KALRN: variants seen among roughly 807,000 people sequenced by gnomAD.
The protein encoded by KALRN is kalirin RhoGEF kinase, also known as kalirin.
In KALRN, 70 loss-of-function variants were observed where a neutral mutation model predicts 353.7. That is an observed-to-expected ratio of 0.20 (90% CI 0.16 to 0.24). The LOEUF is 0.24. KALRN is among the 10% of genes least tolerant of loss of function. The pLI is 1.00. For missense variants in KALRN, 2,791 were observed against 3,756.7 expected, an observed-to-expected ratio of 0.74 and a Z score of 6.72; for synonymous variants, 1,391 against 1,434.8, an observed-to-expected ratio of 0.97 and a Z score of 0.69.
intron 2 of KALRN, among the ~76,000 whole-genome samples, chr3:124,228,399 A>G (rs1415520028): frequency 6.6e-6 from 1 of 152,206 alleles, no homozygotes; most frequent in Non-Finnish European, 1.5e-5. Context: ...TCATTTCTGC[A>G]TGGATCAGGG....
At chr3:124,430,060 C>A (rs2093201761) in intron 15 of KALRN, among the ~76,000 whole-genome samples, 1 of 152,050 alleles carries the variant, frequency 6.6e-6, no homozygotes, top group South Asian at 2.1e-4. Context: ...CTATGTGAGA[C>A]TAAAATACAG....
At chr3:124,202,133 A>G (rs908832521) in intron 1 of KALRN, among the ~76,000 whole-genome samples, 5 of 152,260 alleles carry the variant, frequency 3.3e-5, no homozygotes, top group African/African-American at 7.2e-5. Context: ...TGTGCTTGGC[A>G]TGTTTCATCT....
At chr3:124,108,180 GT>G (rs1331896331) in intron 1 of KALRN, among the ~76,000 whole-genome samples, 1 of 152,146 alleles carries the variant, frequency 6.6e-6, no homozygotes, top group East Asian at 1.9e-4. Flanking sequence ...TGCTACCTTG[GT>G]TCCATACTCT....
At chr3:124,677,493 C>G in intron 49 of KALRN, 1 of 437,772 alleles carries the variant, frequency 2.3e-6, no homozygotes, top group Non-Finnish European at 4.6e-6. Context: ...CACATTAGTT[C>G]TTGTCCCAAT....
intron 1 of KALRN, among the ~76,000 whole-genome samples, chr3:124,179,008 G>A (rs886323413): frequency 2.0e-5 from 3 of 152,216 alleles, no homozygotes; most frequent in African/African-American, 7.2e-5. Flanking sequence ...TTGAGAGGCT[G>A]AAGTGGGAGG....
chr3:124,688,243 C>T (rs56764514), intron 51 of KALRN, among the ~76,000 whole-genome samples: 38,828 of 149,870 alleles, frequency 0.26, 5,546 homozygotes, highest in East Asian at 0.55. Context: ...AGCCTAGGAA[C>T]TTGCAGCTGC....
chr3:124,373,138 G>A (rs1235347023), intron 10 of KALRN, among the ~76,000 whole-genome samples: 1 of 152,020 alleles, frequency 6.6e-6, no homozygotes, highest in African/African-American at 2.4e-5. Flanking sequence ...CGGATTAGAG[G>A]ATTCCTTAAG....
Position 124,446,811 on chromosome 3 carries a change from A to G in KALRN, c.3478A>G (p.Thr1160Ala), listed in dbSNP as rs1204661866. 2 of 1,613,814 alleles carry G rather than the reference A, an allele frequency of 1.2e-6. No individual in the cohort carries two copies. The highest frequency in any genetic ancestry group is 1.1e-5 in the South Asian group (1 of 91,062). The change falls in exon 21 of 60, where the codon ACC becomes GCC. Residue 1160 changes from threonine to alanine, a missense_variant. Around this residue, in one of 11 missense-constraint regions of KALRN, gnomAD observed 268 missense variants for 347.0 expected, o/e 0.77. Transcript: ENST00000682506. ...ETGEFYLSTH[T>A]STGETTEETQ... ...AGGTGAATTTTACCTCTCAACACAT[A>G]CCTCCACTGGAGAGACCACAGAGGA...
chr3:124,318,018 C>T (rs1392056348), intron 6 of KALRN, among the ~76,000 whole-genome samples: 1 of 152,100 alleles, frequency 6.6e-6, no homozygotes, highest in East Asian at 1.9e-4. Context: ...GAGAGAGGAG[C>T]TTCTCTTTTT....
At chr3:124,342,445 A>C (rs1325228035) in intron 9 of KALRN, among the ~76,000 whole-genome samples, 2 of 152,204 alleles carry the variant, frequency 1.3e-5, no homozygotes, top group African/African-American at 4.8e-5. Flanking sequence ...TTTACTCAAG[A>C]TCATGGCCTC....
chr3:124,261,488 A>G (rs1230426828), intron 3 of KALRN, among the ~76,000 whole-genome samples: 1 of 152,224 alleles, frequency 6.6e-6, no homozygotes, highest in African/African-American at 2.4e-5. Context: ...GAAAGATGCC[A>G]ATTAGATTAG....
intron 3 of KALRN, among the ~76,000 whole-genome samples, chr3:124,248,258 C>G (rs929011084): frequency 3.9e-5 from 6 of 152,218 alleles, no homozygotes; most frequent in African/African-American, 9.6e-5. Context: ...GGCTTCACCC[C>G]CCCCATACTC....
intron 21 of KALRN, among the ~76,000 whole-genome samples, chr3:124,447,524 A>G (rs550610507): frequency 1.3e-5 from 2 of 152,276 alleles, no homozygotes; most frequent in African/African-American, 4.8e-5. Context: ...CTTGGGTTTG[A>G]ATGAAAATCT....
At chr3:124,504,534 C>T (rs149250249) in intron 33 of KALRN, among the ~76,000 whole-genome samples, 101 of 152,330 alleles carry the variant, frequency 6.6e-4, no homozygotes, top group African/African-American at 2.3e-3. Context: ...AAATCCACAG[C>T]AACACAAAGT....
intron 51 of KALRN, among the ~76,000 whole-genome samples, chr3:124,683,543 T>G (rs997101299): frequency 7.9e-5 from 12 of 152,150 alleles, no homozygotes; most frequent in Non-Finnish European, 1.6e-4. Flanking sequence ...TCAGCCCAGT[T>G]TTTACACCAA....
chr3:124,479,775 G>A (rs1441876278), intron 27 of KALRN, among the ~76,000 whole-genome samples: 1 of 140,428 alleles, frequency 7.1e-6, no homozygotes, highest in African/African-American at 2.7e-5. Context: ...CCAGACTGGA[G>A]TGCAGTGGCG....
intron 1 of KALRN, among the ~76,000 whole-genome samples, chr3:124,145,565 T>A (rs920779820): frequency 6.6e-6 from 1 of 152,338 alleles, no homozygotes; most frequent in African/African-American, 2.4e-5. Flanking sequence ...TGACCAAAGG[T>A]GTGACTTGCA....
At chr3:124,643,296 A>T (rs888915329) in intron 37 of KALRN, among the ~76,000 whole-genome samples, 1 of 151,870 alleles carries the variant, frequency 6.6e-6, no homozygotes, top group African/African-American at 2.4e-5. Flanking sequence ...TGCAGGTGTG[A>T]GCCACCATGC....
At chr3:124,446,993 A>C in intron 21 of KALRN, 108 bp downstream of exon 21, 1 of 1,309,560 alleles carries the variant, frequency 7.6e-7, no homozygotes, top group East Asian at 2.3e-5. Flanking sequence ...ATACCTGGCT[A>C]CAGTGGCAAG....
Sources: gnomAD v4.1 joint callset for allele counts (sites outside exome capture counted in the v4.1 genomes callset) on GRCh38, gnomAD v4.1.1 for gene constraint, gnomAD v4.1.1 regional missense constraint, MANE v1.5 for transcripts, NCBI Gene and HGNC (gene_info 2026-07-23, HGNC 2026-07-21) for gene names.